Variants in PLEKHD1 observed in about 807,000 individuals in gnomAD.
PLEKHD1 encodes the protein pleckstrin homology domain-containing family D member 1.
A neutral mutation model predicts 69.2 loss-of-function variants in PLEKHD1; 51 were observed. That is an observed-to-expected ratio of 0.74 (90% confidence interval 0.59 to 0.93). The LOEUF (loss-of-function observed/expected upper bound fraction) is 0.93. Among genes scored for constraint, PLEKHD1 ranks in the 40% least tolerant of loss-of-function variants. PLEKHD1 has a pLI of 0.00. For missense variants in PLEKHD1, 584 were observed against 641.0 expected, an observed-to-expected ratio of 0.91 and a Z score of 0.96; for synonymous variants, 236 against 244.7, an observed-to-expected ratio of 0.96 and a Z score of 0.33.
At chr14:69,526,239 C>A in intron 9 of PLEKHD1, 117 bp downstream of exon 9, 1 of 1,095,674 alleles carries the variant, frequency 9.1e-7, no homozygotes, top group Non-Finnish European at 1.3e-6. Flanking sequence ...GACTCACTCA[C>A]TTCCTTTTGC....
chr14:69,520,912 G>A (rs571046469), intron 6 of PLEKHD1, among the ~76,000 whole-genome samples: 36 of 152,186 alleles, frequency 2.4e-4, no homozygotes, highest in African/African-American at 8.7e-4. Flanking sequence ...CTAGTCCCAC[G>A]GACCCACTCA....
chr14:69,479,144 A>G, the PLEKHD1 span, among the ~76,000 whole-genome samples: 3 of 152,230 alleles, frequency 2.0e-5, no homozygotes, highest in Non-Finnish European at 4.4e-5. Flanking sequence ...GAGCTCGTGC[A>G]GGGAAACTCC....
At chr14:69,500,423 C>T in intron 2 of PLEKHD1, 154 bp from the exon 3 acceptor site, 2 of 705,124 alleles carry the variant, frequency 2.8e-6, no homozygotes, top group Non-Finnish European at 4.7e-6. Context: ...CCTCTTCTCT[C>T]TGAACATCAG....
chr14:69,484,078 C>T (rs181869442), upstream of PLEKHD1, among the ~76,000 whole-genome samples: 6 of 152,240 alleles, frequency 3.9e-5, no homozygotes, highest in African/African-American at 1.4e-4. Flanking sequence ...AAGAGAAATC[C>T]GATCCGATGC....
chr14:69,487,743 C>G (rs1163981990), intron 1 of PLEKHD1, among the ~76,000 whole-genome samples: 1 of 152,100 alleles, frequency 6.6e-6, no homozygotes, highest in South Asian at 2.1e-4. Context: ...GGAGAGATGT[C>G]TAGAAGGGAA....
the PLEKHD1 span, among the ~76,000 whole-genome samples, chr14:69,477,897 A>G: frequency 1.2e-4 from 18 of 152,218 alleles, no homozygotes; most frequent in African/African-American, 4.3e-4. Context: ...CAGTGGATCT[A>G]CCATTCTGGG....
chr14:69,520,195 A>AAT, intron 6 of PLEKHD1, among the ~76,000 whole-genome samples: 1 of 147,816 alleles, frequency 6.8e-6, no homozygotes, highest in Middle Eastern at 3.4e-3. Flanking sequence ...AAAAAAAAAA[A>AAT]AGAGCTGGGC....
At chr14:69,475,813 T>C in the PLEKHD1 span, among the ~76,000 whole-genome samples, 1 of 152,150 alleles carries the variant, frequency 6.6e-6, no homozygotes, top group African/African-American at 2.4e-5. Context: ...CTTCATGTGG[T>C]ACCTTGTGCC....
the PLEKHD1 span, among the ~76,000 whole-genome samples, chr14:69,468,981 A>G: frequency 6.6e-6 from 1 of 152,244 alleles, no homozygotes; most frequent in Non-Finnish European, 1.5e-5. Context: ...TTTTACATTC[A>G]AAATGTGCAT....
intron 5 of PLEKHD1, 136 bp from the exon 6 acceptor site, chr14:69,502,691 G>T: frequency 9.1e-7 from 1 of 1,103,114 alleles, no homozygotes; most frequent in Non-Finnish European, 1.3e-6. Context: ...CCCACCCTCT[G>T]GCTGGCAGGG....
At chr14:69,498,395 G>C (rs1052744649) in intron 1 of PLEKHD1, among the ~76,000 whole-genome samples, 2 of 151,792 alleles carry the variant, frequency 1.3e-5, no homozygotes, top group Admixed American at 1.3e-4. Flanking sequence ...TTTTGAAAAA[G>C]AAAAGAAAAT....
intron 1 of PLEKHD1, 81 bp from the exon 2 acceptor site, chr14:69,500,034 C>T (rs113949188): frequency 1.1e-6 from 1 of 941,620 alleles, no homozygotes. Flanking sequence ...GAGTCCAGGG[C>T]CCCCAAGGGT....
At chr14:69,528,051 C>G in intron 12 of PLEKHD1, 119 bp downstream of exon 12, 2 of 1,494,548 alleles carry the variant, frequency 1.3e-6, no homozygotes, top group South Asian at 1.2e-5. Context: ...TGAACCTGGC[C>G]CCACCATCCT....
intron 1 of PLEKHD1, among the ~76,000 whole-genome samples, chr14:69,490,064 C>T (rs903353930): frequency 1.5e-4 from 23 of 152,154 alleles, no homozygotes; most frequent in African/African-American, 4.3e-4. Flanking sequence ...GATGGGGTTT[C>T]GCCATGTTGG....
chr14:69,477,612 A>G, the PLEKHD1 span, among the ~76,000 whole-genome samples: 81 of 152,344 alleles, frequency 5.3e-4, no homozygotes, highest in African/African-American at 1.9e-3. Context: ...TTGGGTAAAT[A>G]CAGCCATTCC....
chr14:69,471,090 CTTTTTTTTTTT>C, the PLEKHD1 span, among the ~76,000 whole-genome samples: 9 of 44,750 alleles, frequency 2.0e-4, no homozygotes, highest in Non-Finnish European at 2.9e-4. Flanking sequence ...CGTGCCTGGC[CTTTTTTTTTTT>C]TTTTTTTTTT....
chr14:69,476,755 C>A, the PLEKHD1 span, among the ~76,000 whole-genome samples: 1 of 152,180 alleles, frequency 6.6e-6, no homozygotes, highest in African/African-American at 2.4e-5. Context: ...AGGGGAATGA[C>A]TGTGAGTGAG....
At position 69,528,417 on chromosome 14, in the gene PLEKHD1, TG is replaced by T. The variant is rs1219498259; in HGVS notation, c.1520del (p.Ter507TyrfsTer89). ...APSALSRGGK* is the reference protein window; with the variant it reads ...APSALSRGGKX ...CTCGGCACTCTCCCGGGGTGGAAAG[TG>T]ATGGGCGCTCCTCCCCTGCTTCCCA... On this transcript the variant is annotated frameshift_variant and stop_lost, in exon 13 of 13. Transcript: ENST00000322564. LOFTEE classifies it high-confidence loss of function. 1.3e-6 allele frequency: 2 copies of T among 1,550,176 alleles called. No individual in the cohort carries two copies. Among genetic ancestry groups the T allele is most frequent in the Admixed American group, 3.9e-5 (2 of 50,988 alleles).
intron 6 of PLEKHD1, 21 bp downstream of exon 6, chr14:69,502,900 T>C (rs2139508169): frequency 6.4e-7 from 1 of 1,551,448 alleles, no homozygotes; most frequent in South Asian, 1.2e-5. Flanking sequence ...ACCAAGGGGC[T>C]CTCAGCAGCC....
Sources: gnomAD v4.1 joint callset for allele counts (sites outside exome capture counted in the v4.1 genomes callset) on GRCh38, gnomAD v4.1.1 for gene constraint, MANE v1.5 for transcripts, NCBI Gene and HGNC (gene_info 2026-07-23, HGNC 2026-07-21) for gene names.